Variants in FOCAD observed in about 807,000 individuals in gnomAD.
The protein encoded by FOCAD is KIAA1797.
Under a neutral mutation model 225.6 loss-of-function variants are expected in FOCAD, and 198 were observed. The ratio of observed to expected loss-of-function variants is 0.88; its 90% CI spans 0.78 to 0.99. The LOEUF is 0.99. Ranked by LOEUF, FOCAD falls within the 50% of genes least tolerant of loss-of-function variation. The probability of loss-of-function intolerance (pLI) is 0.00; values close to 1 mark genes in which losing one functional copy is unlikely to be tolerated. For synonymous variants in FOCAD, 897 were observed against 755.0 expected (o/e 1.19, Z -3.08); for missense variants, 2,713 against 2,123.6 (o/e 1.28, Z -5.46).
chr9:20,691,996 C>T (rs1416288176), intron 1 of FOCAD, among the ~76,000 whole-genome samples: 12 of 152,048 alleles, frequency 7.9e-5, no homozygotes, highest in African/African-American at 1.9e-4. Context: ...ATGATCCACC[C>T]GCCTTGGCCT....
chr9:20,905,320 A>G (rs1164672418), intron 21 of FOCAD, among the ~76,000 whole-genome samples: 3 of 151,988 alleles, frequency 2.0e-5, no homozygotes, highest in Admixed American at 2.0e-4. Context: ...TTTCATGTTT[A>G]GAGGCTAAAC....
At chr9:20,950,228 A>G (rs1368009806) in intron 33 of FOCAD, among the ~76,000 whole-genome samples, 2 of 152,186 alleles carry the variant, frequency 1.3e-5, no homozygotes, top group East Asian at 3.8e-4. Flanking sequence ...TTCAAACCTG[A>G]AGCAACTGTT....
chr9:20,723,274 G>A (rs894855540), intron 4 of FOCAD, among the ~76,000 whole-genome samples: 23 of 152,208 alleles, frequency 1.5e-4, no homozygotes, highest in African/African-American at 5.5e-4. Context: ...AATCACTTGA[G>A]GTCAGGAGTT....
intron 2 of FOCAD, among the ~76,000 whole-genome samples, chr9:20,665,807 G>A (rs1821882717): frequency 1.3e-5 from 2 of 152,056 alleles, no homozygotes; most frequent in Admixed American, 1.3e-4. Context: ...AAGACAGGCG[G>A]ATTGCCTGAG....
chr9:20,987,079 T>C (rs1487768032), intron 40 of FOCAD, among the ~76,000 whole-genome samples: 2 of 152,228 alleles, frequency 1.3e-5, no homozygotes, highest in Non-Finnish European at 2.9e-5. Context: ...TACATTCAAG[T>C]TCTGAATGGC....
chr9:20,727,317 T>A (rs1225655967), intron 4 of FOCAD, among the ~76,000 whole-genome samples: 2 of 152,158 alleles, frequency 1.3e-5, no homozygotes, highest in Non-Finnish European at 2.9e-5. Flanking sequence ...GGTTGAAGGC[T>A]TTGTCACAAA....
chr9:20,897,665 T>C (rs1446492406), intron 21 of FOCAD, among the ~76,000 whole-genome samples: 1 of 151,810 alleles, frequency 6.6e-6, no homozygotes, highest in Admixed American at 6.6e-5. Context: ...ATCCTAATTT[T>C]TTTCTCTCAT....
chr9:20,793,371 T>A (rs1182059041), intron 11 of FOCAD, among the ~76,000 whole-genome samples: 1 of 152,190 alleles, frequency 6.6e-6, no homozygotes, highest in African/African-American at 2.4e-5. Flanking sequence ...TGGCATTTGA[T>A]CCCTTTTGTG....
At chr9:20,833,114 A>G (rs573899019) in intron 15 of FOCAD, among the ~76,000 whole-genome samples, 25 of 152,200 alleles carry the variant, frequency 1.6e-4, no homozygotes, top group Middle Eastern at 3.4e-3. Flanking sequence ...ACCAATCTGC[A>G]TTCCCACCAA....
intron 1 of FOCAD, among the ~76,000 whole-genome samples, chr9:20,696,931 C>T (rs1046465512): frequency 5.3e-5 from 8 of 152,100 alleles, no homozygotes; most frequent in African/African-American, 1.4e-4. Context: ...AAAAGTCGGT[C>T]CTCTCCTGCC....
In FOCAD at chr9:20,789,357, T is replaced by C; in HGVS notation, c.1204T>C (p.Tyr402His). The change falls in exon 11 of 44, where the codon TAC (tyrosine) becomes CAC (histidine). Residue 402 changes from tyrosine (Y) to histidine (H), a missense_variant. Transcript: ENST00000338382. ...CYRDDHQKLS[Y>H]KLVCPVTSMY... ...TCTTGTCTTTATTTTTCAGCTCTCC[T>C]ACAAGCTTGTGTGCCCTGTAACCAG... 1 of 1,610,684 alleles carries C rather than the reference T, an allele frequency of 6.2e-7. No homozygotes were observed. The highest frequency in any genetic ancestry group is 2.2e-5 in the East Asian group (1 of 44,780).
intron 35 of FOCAD, among the ~76,000 whole-genome samples, chr9:20,968,431 C>CTTGTTTTTTTTTTTTTTTT (rs1839459463): frequency 2.3e-5 from 1 of 43,620 alleles, no homozygotes; most frequent in Non-Finnish European, 4.0e-5. Flanking sequence ...TTTTCTTATT[C>CTTGTTTTTTTTTTTTTTTT]TTTTTTTTTT....
intron 28 of FOCAD, among the ~76,000 whole-genome samples, chr9:20,939,682 T>G (rs1401883129): frequency 6.6e-6 from 1 of 151,776 alleles, no homozygotes; most frequent in African/African-American, 2.4e-5. Flanking sequence ...CTTTGTTGAT[T>G]CTTACCTTCT....
At chr9:20,943,961 A>G (rs1349785290) in intron 28 of FOCAD, among the ~76,000 whole-genome samples, 2 of 152,220 alleles carry the variant, frequency 1.3e-5, no homozygotes, top group Non-Finnish European at 2.9e-5. Context: ...CTAGATTTCA[A>G]TTGAATTGTC....
intron 11 of FOCAD, among the ~76,000 whole-genome samples, chr9:20,793,220 C>G (rs184739601): frequency 1.4e-3 from 213 of 152,258 alleles, no homozygotes; most frequent in Non-Finnish European, 2.6e-3. Flanking sequence ...TTGGGATGAG[C>G]CTGCCAGCAT....
intron 25 of FOCAD, 27 bp downstream of exon 25, chr9:20,923,795 G>T: frequency 6.4e-7 from 1 of 1,557,180 alleles, no homozygotes; most frequent in South Asian, 1.1e-5. Flanking sequence ...TAAACAATTG[G>T]CTTTGATTAT....
intron 2 of FOCAD, among the ~76,000 whole-genome samples, chr9:20,672,625 A>G (rs1225790308): frequency 2.6e-5 from 4 of 152,078 alleles, no homozygotes; most frequent in African/African-American, 9.7e-5. Context: ...TAATTTTTGT[A>G]TTTTTAGTAG....
chr9:20,867,029 T>C lies in FOCAD; in HGVS notation c.2190+17T>C. The C allele has an allele frequency of 6.6e-7, 1 of 1,506,430 alleles. No individual in the cohort carries two copies. The highest frequency in any genetic ancestry group is 9.1e-7 in the Non-Finnish European group (1 of 1,097,670). The allele number at this position is 1,506,430 out of a possible 1,614,324, so 93.3% of individuals were successfully genotyped here. ...CCTGAAAAGGTAGGCATATCTGCTTTCTCACTGGTATTTCTTAATTTGCTA... is the reference window on the plus strand; with the variant it reads ...CCTGAAAAGGTAGGCATATCTGCTTCCTCACTGGTATTTCTTAATTTGCTA... On this transcript the variant is annotated intron_variant, in intron 18 of 43. Transcript: ENST00000338382.
chr9:20,830,247 T>C (rs529483004), intron 15 of FOCAD, among the ~76,000 whole-genome samples: 2 of 152,228 alleles, frequency 1.3e-5, no homozygotes, highest in South Asian at 4.1e-4. Context: ...TTGGTTAATG[T>C]ATAATGTTTT....
Sources: gnomAD v4.1 joint callset for allele counts (sites outside exome capture counted in the v4.1 genomes callset) on GRCh38, gnomAD v4.1.1 for gene constraint, MANE v1.5 for transcripts, NCBI Gene and HGNC (gene_info 2026-07-23, HGNC 2026-07-21) for gene names.